The following GRM3 variants were observed in gnomAD, a reference collection of about 807,000 sequenced individuals.
GRM3 encodes glutamate metabotropic receptor 3.
In GRM3, 26 loss-of-function variants were observed where a neutral mutation model predicts 70.5. The observed-to-expected ratio is 0.37, with a 90% CI of 0.27 to 0.51. The LOEUF is 0.51. Ranked by LOEUF, GRM3 falls within the 20% of genes least tolerant of loss-of-function variation. The pLI, the probability that GRM3 is intolerant of heterozygous loss-of-function variation, is 0.93. For missense variants in GRM3, 859 were observed against 1,123.8 expected (o/e 0.76, Z 3.37); for synonymous variants, 443 against 434.9 (o/e 1.02, Z -0.23).
At chr7:86,784,854 A>G (rs1191260586) in intron 2 of GRM3, among the ~76,000 whole-genome samples, 1 of 152,210 alleles carries the variant, frequency 6.6e-6, no homozygotes, top group Non-Finnish European at 1.5e-5. Flanking sequence ...AAAGATATAG[A>G]AGATATTTTT....
rs145899956 is a variant in GRM3 at position 86,732,511 on chromosome 7, C to T, written c.-140-32495C>T. Among the ~76,000 whole-genome samples the T allele has an allele frequency of 3.6e-3, 549 of 152,232 alleles. 3 individuals carry two copies. Among genetic ancestry groups the T allele is most frequent in the African/African-American group, 0.012 (514 of 41,540 alleles). ...TTCAGAGACTATAGTTCAACCAATA[C>T]GGCACAGTAATAATGGTGTTAAGAA... On this transcript the variant is annotated intron_variant, in intron 1 of 5. Coordinates refer to ENST00000361669, the MANE Select transcript of GRM3 (RefSeq NM_000840.3).
At chr7:86,795,979 G>A (rs1797539573) in intron 3 of GRM3, among the ~76,000 whole-genome samples, 1 of 152,184 alleles carries the variant, frequency 6.6e-6, no homozygotes, top group South Asian at 2.1e-4. Flanking sequence ...TTTGTCAGAT[G>A]AACAGATTGC....
intron 1 of GRM3, among the ~76,000 whole-genome samples, chr7:86,723,530 T>C (rs778796162): frequency 2.0e-5 from 3 of 152,288 alleles, no homozygotes; most frequent in Admixed American, 6.5e-5. Context: ...TTAGCAAAGA[T>C]GAATTGTCAT....
At chr7:86,793,874 T>C (rs1016895827) in intron 3 of GRM3, among the ~76,000 whole-genome samples, 1 of 152,134 alleles carries the variant, frequency 6.6e-6, no homozygotes, top group South Asian at 2.1e-4. Context: ...GAGTCATTTA[T>C]ACATCCTGTG....
intron 1 of GRM3, among the ~76,000 whole-genome samples, chr7:86,759,466 A>G (rs115343658): frequency 0.01 from 1,585 of 152,262 alleles, 24 homozygotes; most frequent in African/African-American, 0.036. Flanking sequence ...TCTCCTGATC[A>G]ATCTTTCTAA....
At chr7:86,720,385 G>A (rs1034963203) in intron 1 of GRM3, among the ~76,000 whole-genome samples, 4 of 152,028 alleles carry the variant, frequency 2.6e-5, no homozygotes, top group Non-Finnish European at 5.9e-5. Flanking sequence ...GGGTACCATT[G>A]AGCAGTTGAT....
intron 2 of GRM3, among the ~76,000 whole-genome samples, chr7:86,785,416 C>A (rs1044636509): frequency 1.3e-5 from 2 of 151,852 alleles, no homozygotes; most frequent in African/African-American, 4.8e-5. Context: ...TGTTGATAGT[C>A]AATTATAAAA....
intron 1 of GRM3, among the ~76,000 whole-genome samples, chr7:86,675,435 A>T (rs2115929827): frequency 6.6e-6 from 1 of 152,228 alleles, no homozygotes; most frequent in South Asian, 2.1e-4. Context: ...AAACACAAGT[A>T]ATCCTAGCCT....
chr7:86,682,182 C>T (rs946788742), intron 1 of GRM3, among the ~76,000 whole-genome samples: 1 of 152,170 alleles, frequency 6.6e-6, no homozygotes, highest in Non-Finnish European at 1.5e-5. Flanking sequence ...ACAAGTTTTT[C>T]ACAGTACAAC....
intron 1 of GRM3, among the ~76,000 whole-genome samples, chr7:86,721,147 C>T (rs1166175880): frequency 3.3e-5 from 5 of 152,034 alleles, no homozygotes; most frequent in Admixed American, 3.3e-4. Context: ...AGACAGCTGT[C>T]CTCTCAAGAA....
chr7:86,721,004 G>T (rs934293400), intron 1 of GRM3, among the ~76,000 whole-genome samples: 15 of 152,026 alleles, frequency 9.9e-5, no homozygotes, highest in African/African-American at 3.4e-4. Flanking sequence ...CAGACAGGAG[G>T]CTGATTTAGG....
chr7:86,770,648 A>C (rs1204992004), intron 2 of GRM3, among the ~76,000 whole-genome samples: 1 of 152,106 alleles, frequency 6.6e-6, no homozygotes, highest in Non-Finnish European at 1.5e-5. Context: ...TGTATTAAGC[A>C]TTGGTTTCTT....
At chr7:86,699,939 T>C (rs1483225880) in intron 1 of GRM3, among the ~76,000 whole-genome samples, 2 of 152,012 alleles carry the variant, frequency 1.3e-5, no homozygotes, top group Admixed American at 6.6e-5. Context: ...TCTTAATGAA[T>C]GTCTATTCTA....
At chr7:86,692,598 G>T (rs1250092581) in intron 1 of GRM3, among the ~76,000 whole-genome samples, 2 of 152,230 alleles carry the variant, frequency 1.3e-5, no homozygotes, top group Non-Finnish European at 1.5e-5. Flanking sequence ...AGAGCTTATA[G>T]TATGACCCAA....
At chr7:86,805,584 A>T in intron 3 of GRM3, among the ~76,000 whole-genome samples, 1 of 152,134 alleles carries the variant, frequency 6.6e-6, no homozygotes, top group East Asian at 1.9e-4. Flanking sequence ...TGCTCCACCT[A>T]TTCATCTCTT....
chr7:86,647,362 A>T (rs1284536805), intron 1 of GRM3, among the ~76,000 whole-genome samples: 2 of 152,318 alleles, frequency 1.3e-5, no homozygotes, highest in South Asian at 4.1e-4. Flanking sequence ...AATGTAGCAC[A>T]TTGGCTTGGG....
At chr7:86,706,768 T>C (rs1375617869) in intron 1 of GRM3, among the ~76,000 whole-genome samples, 3 of 151,604 alleles carry the variant, frequency 2.0e-5, no homozygotes, top group African/African-American at 7.3e-5. Flanking sequence ...ATGGGTTGAT[T>C]TTTTTTTAAG....
intron 3 of GRM3, among the ~76,000 whole-genome samples, chr7:86,831,557 G>A (rs942786005): frequency 5.9e-5 from 9 of 152,038 alleles, no homozygotes; most frequent in African/African-American, 2.2e-4. Flanking sequence ...ATTGCGGGTA[G>A]GAGGATTGGA....
At chr7:86,857,131 GT>G (rs57272959) in intron 5 of GRM3, among the ~76,000 whole-genome samples, 7,869 of 142,328 alleles carry the variant, frequency 0.055, 206 homozygotes, top group African/African-American at 0.064. Flanking sequence ...AAATTCAATG[GT>G]TTTTTTTTTT....
Sources: allele counts gnomAD v4.1 joint callset (sites outside exome capture counted in the v4.1 genomes callset), GRCh38; gene constraint gnomAD v4.1.1; transcripts MANE v1.5; gene names NCBI Gene and HGNC (gene_info 2026-07-23, HGNC 2026-07-21).